The following CTNND2 variants were observed in gnomAD, a reference collection of about 807,000 sequenced individuals.
CTNND2 encodes the protein catenin delta 2.
In CTNND2, 22 loss-of-function variants were observed where a neutral mutation model predicts 144.4. That is an observed-to-expected ratio of 0.15 (90% CI 0.11 to 0.22). CTNND2 has a LOEUF of 0.22. Among genes scored for constraint, CTNND2 ranks in the 10% least tolerant of loss-of-function variants. The pLI is 1.00. For synonymous variants in CTNND2, 751 were observed against 695.6 expected, an observed-to-expected ratio of 1.08 and a Z score of -1.25; for missense variants, 1,353 against 1,618.8, an observed-to-expected ratio of 0.84 and a Z score of 2.82.
At chr5:11,337,211 C>A (rs1359036775) in intron 9 of CTNND2, among the ~76,000 whole-genome samples, 3 of 152,188 alleles carry the variant, frequency 2.0e-5, no homozygotes, top group Non-Finnish European at 4.4e-5. Context: ...ATCTGTGCAT[C>A]CAACTGGAGT....
At chr5:11,146,529 A>G (rs1389353314) in intron 12 of CTNND2, among the ~76,000 whole-genome samples, 1 of 152,222 alleles carries the variant, frequency 6.6e-6, no homozygotes, top group Non-Finnish European at 1.5e-5. Flanking sequence ...GACATAATAT[A>G]TCATTTATGA....
At chr5:11,583,807 T>C (rs775406726) in intron 2 of CTNND2, among the ~76,000 whole-genome samples, 1 of 152,240 alleles carries the variant, frequency 6.6e-6, no homozygotes, top group Non-Finnish European at 1.5e-5. Context: ...GCATGACATC[T>C]GGTCAATATC....
chr5:11,144,813 A>G (rs1757088547), intron 12 of CTNND2, among the ~76,000 whole-genome samples: 2 of 152,120 alleles, frequency 1.3e-5, no homozygotes, highest in Non-Finnish European at 1.5e-5. Context: ...ACATTTTCCT[A>G]AGGAAATAGA....
intron 2 of CTNND2, among the ~76,000 whole-genome samples, chr5:11,624,665 T>C (rs1007526599): frequency 2.6e-5 from 4 of 152,112 alleles, no homozygotes; most frequent in African/African-American, 9.6e-5. Flanking sequence ...TATCTTCTCT[T>C]AAAAGTGGCT....
chr5:11,559,170 G>T (rs1451022740), intron 3 of CTNND2, among the ~76,000 whole-genome samples: 2 of 151,996 alleles, frequency 1.3e-5, no homozygotes, highest in Non-Finnish European at 2.9e-5. Flanking sequence ...CACGTGTGTG[G>T]GTGGGATTGT....
intron 9 of CTNND2, among the ~76,000 whole-genome samples, chr5:11,315,793 T>G (rs2522035): frequency 3.9e-5 from 6 of 152,208 alleles, no homozygotes; most frequent in Non-Finnish European, 7.3e-5. Context: ...TACAATTCTT[T>G]ATCTTCTTTG....
chr5:11,707,060 TGGGAGACAGA>T (rs1785746560), intron 2 of CTNND2, among the ~76,000 whole-genome samples: 1 of 147,070 alleles, frequency 6.8e-6, no homozygotes, highest in Non-Finnish European at 1.5e-5. Flanking sequence ...CACTCCAGCC[TGGGAGACAGA>T]GCAATACTCC....
rs369939045 is a variant in CTNND2 at position 11,280,967 on chromosome 5, C to T, written c.1629-44144G>A. On this transcript the variant is annotated intron_variant, in intron 9 of 21. Coordinates refer to ENST00000304623, the MANE Select transcript of CTNND2 (RefSeq NM_001332.4). ...ATGGCCCTGGGTTGGGAGAAAGCCT[C>T]ATTTCAGATCAAGGTGGGGAAGAAA... is the stretch of plus-strand genomic sequence containing the variant. Among the ~76,000 whole-genome samples the T allele has an allele frequency of 3.0e-3, 459 of 152,156 alleles. 5 individuals are homozygous for T. Among genetic ancestry groups the T allele is most frequent in the South Asian group, 0.025 (122 of 4,804 alleles).
rs31941 is a variant in CTNND2, at chr5:11,474,153, C to T, written c.288-62084G>A. On this transcript the variant is annotated intron_variant, in intron 3 of 21. Coordinates refer to ENST00000304623, the MANE Select transcript of CTNND2 (RefSeq NM_001332.4). ...CCTTTTAACCACAGATTTTTGCATT[C>T]CACCCATGTGAGATTAGCAAAAAGA... Among the ~76,000 whole-genome samples, 1,008 of 152,044 alleles carry T rather than the reference C, an allele frequency of 6.6e-3. 11 individuals are homozygous for T. Among genetic ancestry groups the T allele is most frequent in the African/African-American group, 0.023 (958 of 41,318 alleles).
intron 1 of CTNND2, among the ~76,000 whole-genome samples, chr5:11,793,512 C>T (rs1332506333): frequency 6.6e-6 from 1 of 152,122 alleles, no homozygotes; most frequent in South Asian, 2.1e-4. Context: ...AGCTCCTAAA[C>T]CAATATGACA....
chr5:11,565,318 A>G (rs542390973), intron 2 of CTNND2, among the ~76,000 whole-genome samples: 1 of 152,362 alleles, frequency 6.6e-6, no homozygotes, highest in Admixed American at 6.5e-5. Flanking sequence ...GATGGATATG[A>G]GGATTAAAGG....
At chr5:11,250,491 C>CTCTCTCTCTCTATATATATATATA (rs869141186) in intron 9 of CTNND2, among the ~76,000 whole-genome samples, 4 of 64,108 alleles carry the variant, frequency 6.2e-5, no homozygotes, top group Non-Finnish European at 7.5e-5. Context: ...CTCTCTCTCT[C>CTCTCTCTCTCTATATATATATATA]TATATATATA....
At chr5:11,299,952 T>C (rs1376294349) in intron 9 of CTNND2, among the ~76,000 whole-genome samples, 6 of 152,192 alleles carry the variant, frequency 3.9e-5, no homozygotes, top group South Asian at 2.1e-4. Context: ...TGTGTGCTAA[T>C]TGATGGGCAT....
At chr5:11,898,264 A>G (rs1582088348) in intron 1 of CTNND2, among the ~76,000 whole-genome samples, 1 of 152,208 alleles carries the variant, frequency 6.6e-6, no homozygotes, top group East Asian at 1.9e-4. Flanking sequence ...TAAAGACACC[A>G]ACAACCCACA....
intron 7 of CTNND2, among the ~76,000 whole-genome samples, chr5:11,373,155 C>T (rs572925047): frequency 2.5e-4 from 38 of 152,324 alleles, no homozygotes; most frequent in African/African-American, 8.2e-4. Flanking sequence ...TTGTCCGGGC[C>T]CCACACCAGG....
chr5:11,594,561 C>T (rs931453398), intron 2 of CTNND2, among the ~76,000 whole-genome samples: 1 of 152,068 alleles, frequency 6.6e-6, no homozygotes, highest in African/African-American at 2.4e-5. Flanking sequence ...TTACTTTTTA[C>T]AAAATAAAAG....
At chr5:11,330,315 C>CA (rs1257414767) in intron 9 of CTNND2, among the ~76,000 whole-genome samples, 2,204 of 82,316 alleles carry the variant, frequency 0.027, 39 homozygotes, top group Middle Eastern at 0.086. Flanking sequence ...ACTAAAAATA[C>CA]AAAAAAAAAA....
intron 3 of CTNND2, among the ~76,000 whole-genome samples, chr5:11,532,859 T>C (rs1264458352): frequency 6.6e-6 from 1 of 152,198 alleles, no homozygotes; most frequent in Non-Finnish European, 1.5e-5. Flanking sequence ...CAGAAAAGGG[T>C]TACTTGTTGT....
intron 1 of CTNND2, among the ~76,000 whole-genome samples, chr5:11,796,290 G>T (rs1561804405): frequency 6.6e-6 from 1 of 152,258 alleles, no homozygotes; most frequent in East Asian, 1.9e-4. Context: ...ATCTTTCAGG[G>T]CTATTCTTCC....
Sources: gnomAD v4.1 joint callset for allele counts (sites outside exome capture counted in the v4.1 genomes callset) on GRCh38, gnomAD v4.1.1 for gene constraint, MANE v1.5 for transcripts, NCBI Gene and HGNC (gene_info 2026-07-23, HGNC 2026-07-21) for gene names.